CTNNA3: variants seen among roughly 807,000 people sequenced by gnomAD.
CTNNA3 encodes catenin alpha-3.
CTNNA3 carries 76 observed loss-of-function variants against 95.7 expected under a neutral mutation model. The ratio of observed to expected loss-of-function variants is 0.79; its 90% CI spans 0.66 to 0.96. The LOEUF is 0.96. CTNNA3 is among the 40% of genes least tolerant of loss of function. CTNNA3 has a pLI of 0.00. For synonymous variants in CTNNA3, 431 were observed against 374.4 expected (o/e 1.15, Z -1.74); for missense variants, 1,191 against 1,089.8 (o/e 1.09, Z -1.31).
intron 5 of CTNNA3, among the ~76,000 whole-genome samples, chr10:67,299,486 A>G (rs1174893962): frequency 2.0e-5 from 3 of 152,200 alleles, no homozygotes; most frequent in Non-Finnish European, 2.9e-5. Flanking sequence ...CCAGAATCGA[A>G]TAACTCAGAA....
At chr10:66,184,292 C>G (rs1327749068) in intron 13 of CTNNA3, among the ~76,000 whole-genome samples, 2 of 152,104 alleles carry the variant, frequency 1.3e-5, no homozygotes, top group African/African-American at 2.4e-5. Flanking sequence ...GAGCAAGACT[C>G]TGTCTCAAAA....
chr10:66,327,784 G>C (rs956638302), intron 12 of CTNNA3, among the ~76,000 whole-genome samples: 1 of 151,966 alleles, frequency 6.6e-6, no homozygotes, highest in African/African-American at 2.4e-5. Flanking sequence ...TCTTAAAACT[G>C]TATCATGAAT....
chr10:67,036,306 G>T (rs1350797329), intron 7 of CTNNA3, among the ~76,000 whole-genome samples: 1 of 150,464 alleles, frequency 6.6e-6, no homozygotes, highest in Admixed American at 6.6e-5. Context: ...TTTTGCTCTT[G>T]TTGCCCAGGC....
chr10:66,597,165 A>G (rs996632556), intron 10 of CTNNA3, among the ~76,000 whole-genome samples: 5 of 152,024 alleles, frequency 3.3e-5, no homozygotes, highest in Non-Finnish European at 7.4e-5. Flanking sequence ...AAGAAAGCCT[A>G]TGGGAATTAT....
intron 3 of CTNNA3, among the ~76,000 whole-genome samples, chr10:67,575,674 T>C (rs1345711585): frequency 6.6e-6 from 1 of 152,194 alleles, no homozygotes; most frequent in Admixed American, 6.5e-5. Flanking sequence ...TGGATTCTAG[T>C]GGGCAGAGTG....
intron 2 of CTNNA3, among the ~76,000 whole-genome samples, chr10:67,634,716 C>CA (rs1339829264): frequency 1.3e-5 from 2 of 151,920 alleles, no homozygotes; most frequent in African/African-American, 4.8e-5. Flanking sequence ...CAACAAAGAT[C>CA]AAAAAAGACA....
rs1390572382 is a variant in CTNNA3 at position 65,914,998 on chromosome 10, T to C, written c.*5332A>G. 6.6e-6 allele frequency: 1 copy of C among 152,118 alleles called. No individual in the cohort carries two copies. Among genetic ancestry groups the C allele is most frequent in the African/African-American group, 2.4e-5 (1 of 41,428 alleles). The allele number at this position is 152,118 out of a possible 1,614,324, so 9.4% of individuals were successfully genotyped here. A position where few individuals can be genotyped will look rare whatever the true frequency, so the allele number is the denominator to read the frequency against. On this transcript the variant is annotated 3_prime_UTR_variant, in exon 18 of 18. Coordinates refer to ENST00000433211, the MANE Select transcript of CTNNA3 (RefSeq NM_013266.4). ...AATGATATATATCCTATAGGGTTATTTGGAGGATTGAATAAGATAATAGTT... is the reference window on the plus strand; with the variant it reads ...AATGATATATATCCTATAGGGTTATCTGGAGGATTGAATAAGATAATAGTT...
At chr10:67,546,532 T>C (rs1840847972) in intron 3 of CTNNA3, among the ~76,000 whole-genome samples, 1 of 152,134 alleles carries the variant, frequency 6.6e-6, no homozygotes, top group Admixed American at 6.6e-5. Context: ...CCTAAAGTGG[T>C]TTACAGTAAA....
chr10:66,887,033 A>G (rs1313232448), intron 7 of CTNNA3, among the ~76,000 whole-genome samples: 1 of 152,194 alleles, frequency 6.6e-6, no homozygotes, highest in Non-Finnish European at 1.5e-5. Context: ...AGTTGTAAAT[A>G]GCAATGGCAT....
intron 13 of CTNNA3, among the ~76,000 whole-genome samples, chr10:66,172,553 T>C (rs1390437405): frequency 2.6e-5 from 4 of 152,188 alleles, no homozygotes; most frequent in Non-Finnish European, 5.9e-5. Context: ...CATTTTGTTA[T>C]GATTTTTTGA....
intron 11 of CTNNA3, among the ~76,000 whole-genome samples, chr10:66,440,365 G>A (rs1329416989): frequency 6.6e-6 from 1 of 151,384 alleles, no homozygotes; most frequent in Non-Finnish European, 1.5e-5. Flanking sequence ...TTTTTTTATT[G>A]ATTTGTAATA....
chr10:66,380,888 C>T (rs567483367), intron 11 of CTNNA3, among the ~76,000 whole-genome samples: 3 of 150,864 alleles, frequency 2.0e-5, no homozygotes, highest in Admixed American at 1.3e-4. Flanking sequence ...TACAGGAGCA[C>T]CCAGATTCAT....
chr10:67,119,140 C>T (rs1434024831), intron 7 of CTNNA3, among the ~76,000 whole-genome samples: 1 of 151,898 alleles, frequency 6.6e-6, no homozygotes, highest in African/African-American at 2.4e-5. Context: ...CCAGCAAATC[C>T]ACTGACAGAA....
At chr10:67,139,011 T>C (rs977706681) in intron 7 of CTNNA3, among the ~76,000 whole-genome samples, 32 of 152,306 alleles carry the variant, frequency 2.1e-4, no homozygotes, top group Admixed American at 7.9e-4. Flanking sequence ...AAAATCATAC[T>C]CTTAAAGATT....
At chr10:66,701,742 G>A (rs569530177) in intron 9 of CTNNA3, among the ~76,000 whole-genome samples, 16 of 152,162 alleles carry the variant, frequency 1.1e-4, no homozygotes, top group African/African-American at 2.9e-4. Context: ...AAGTAGTAGA[G>A]GTTGAATAAC....
chr10:67,467,089 G>T (rs1182404543), intron 5 of CTNNA3, among the ~76,000 whole-genome samples: 1 of 152,084 alleles, frequency 6.6e-6, no homozygotes, highest in Non-Finnish European at 1.5e-5. Flanking sequence ...AGTGAACTAT[G>T]ATCACACCAC....
At chr10:67,505,791 A>G (rs990986328) in intron 5 of CTNNA3, among the ~76,000 whole-genome samples, 8 of 152,218 alleles carry the variant, frequency 5.3e-5, no homozygotes, top group Non-Finnish European at 1.0e-4. Flanking sequence ...CAGCTCTTTT[A>G]GAACAAAGGT....
chr10:66,018,475 C>G (rs912313007), intron 15 of CTNNA3, among the ~76,000 whole-genome samples: 8 of 151,940 alleles, frequency 5.3e-5, no homozygotes, highest in Admixed American at 4.6e-4. Context: ...AGATAAACAT[C>G]CAGATGGTTT....
At chr10:66,089,673 G>A (rs1457571479) in intron 14 of CTNNA3, among the ~76,000 whole-genome samples, 1 of 151,408 alleles carries the variant, frequency 6.6e-6, no homozygotes, top group African/African-American at 2.4e-5. Flanking sequence ...CACTACACAA[G>A]GTCCTTTATA....
Sources: allele counts gnomAD v4.1 joint callset (sites outside exome capture counted in the v4.1 genomes callset), GRCh38; gene constraint gnomAD v4.1.1; transcripts MANE v1.5; gene names NCBI Gene and HGNC (gene_info 2026-07-23, HGNC 2026-07-21).